The following AGPS variants were observed in gnomAD, a reference collection of about 807,000 sequenced individuals.
The protein encoded by AGPS is alkyldihydroxyacetonephosphate synthase, peroxisomal.
A neutral mutation model predicts 90.7 loss-of-function variants in AGPS; 26 were observed. That is an observed-to-expected ratio of 0.29 (90% confidence interval 0.21 to 0.40). AGPS has a LOEUF of 0.40. Among genes scored for constraint, AGPS ranks in the 10% least tolerant of loss-of-function variants. AGPS has a pLI of 1.00. For synonymous variants in AGPS, 294 were observed against 285.3 expected (o/e 1.03, Z -0.31); for missense variants, 540 against 816.1 (o/e 0.66, Z 4.12).
intron 2 of AGPS, among the ~76,000 whole-genome samples, chr2:177,422,519 A>G (rs539356407): frequency 6.6e-6 from 1 of 152,188 alleles, no homozygotes; most frequent in Non-Finnish European, 1.5e-5. Context: ...ATAAGGGTTC[A>G]TCTGACTGGA....
Position 177,482,198 on chromosome 2 carries a change from A to AATAT in AGPS, c.1233+22_1233+25dup. ...AAATTGCAAAACAGGTAAAAGAAAA[A>AATAT]ATATATATATATACATACATACATA... On this transcript the variant is annotated intron_variant, in intron 11 of 19. Transcript: ENST00000264167. 7.2e-7 allele frequency: 1 copy of AATAT among 1,385,706 alleles called. No homozygotes were observed. The highest frequency in any genetic ancestry group is 1.0e-6 in the Non-Finnish European group (1 of 1,004,754). 85.8% of individuals were successfully genotyped at this position (1,385,706 alleles called of 1,614,324 possible).
intron 19 of AGPS, among the ~76,000 whole-genome samples, chr2:177,529,451 T>C (rs765584290): frequency 2.6e-5 from 4 of 151,936 alleles, no homozygotes; most frequent in Non-Finnish European, 5.9e-5. Flanking sequence ...GCATGGGTGA[T>C]AGAGAGTAAG....
chr2:177,478,574 A>G (rs1354807865), intron 10 of AGPS, among the ~76,000 whole-genome samples: 8 of 152,080 alleles, frequency 5.3e-5, no homozygotes, highest in Non-Finnish European at 7.4e-5. Flanking sequence ...CTATACATCT[A>G]TCTTCAAGTT....
chr2:177,451,196 A>G (rs1056742992), intron 8 of AGPS, among the ~76,000 whole-genome samples: 6 of 151,766 alleles, frequency 4.0e-5, no homozygotes, highest in South Asian at 2.1e-4. Context: ...TCTCGCTTCA[A>G]CCTACCACCC....
At chr2:177,417,044 G>A (rs748478561) in intron 1 of AGPS, among the ~76,000 whole-genome samples, 10 of 152,114 alleles carry the variant, frequency 6.6e-5, no homozygotes, top group Admixed American at 2.0e-4. Context: ...TTACACTATC[G>A]GAAGTATAGG....
intron 19 of AGPS, among the ~76,000 whole-genome samples, chr2:177,530,836 G>A (rs183228402): frequency 3.3e-5 from 5 of 152,288 alleles, no homozygotes; most frequent in Admixed American, 2.6e-4. Context: ...CATAGTGCTT[G>A]TTTTTGTAAC....
chr2:177,495,522 G>A (rs1291908207), intron 12 of AGPS, among the ~76,000 whole-genome samples: 1 of 152,114 alleles, frequency 6.6e-6, no homozygotes, highest in Non-Finnish European at 1.5e-5. Context: ...AATAAATCCT[G>A]TTAAATGACA....
chr2:177,440,423 C>G (rs553268078), intron 5 of AGPS, among the ~76,000 whole-genome samples: 1 of 152,202 alleles, frequency 6.6e-6, no homozygotes, highest in African/African-American at 2.4e-5. Context: ...TGAACTTAAT[C>G]ATGAGGAAAC....
intron 11 of AGPS, among the ~76,000 whole-genome samples, chr2:177,486,131 C>A (rs1193273330): frequency 6.6e-6 from 1 of 152,266 alleles, no homozygotes; most frequent in East Asian, 1.9e-4. Flanking sequence ...TTACTTGAAA[C>A]TGATTTTAAA....
chr2:177,415,500 A>T (rs971573449), intron 1 of AGPS, among the ~76,000 whole-genome samples: 2 of 152,234 alleles, frequency 1.3e-5, no homozygotes, highest in Admixed American at 1.3e-4. Flanking sequence ...TATCACATTG[A>T]TTAATAACTT....
intron 17 of AGPS, 24 bp downstream of exon 17, chr2:177,513,932 T>C (rs368663206): frequency 2.9e-5 from 45 of 1,538,882 alleles, no homozygotes; most frequent in Non-Finnish European, 3.9e-5. Context: ...ATTGTTCTTA[T>C]ACTTCTTATT....
intron 1 of AGPS, among the ~76,000 whole-genome samples, chr2:177,415,236 A>T (rs1685753694): frequency 6.6e-6 from 1 of 152,174 alleles, no homozygotes; most frequent in Non-Finnish European, 1.5e-5. Flanking sequence ...ACTCTTACAA[A>T]CAATGCTCCA....
intron 3 of AGPS, among the ~76,000 whole-genome samples, chr2:177,434,639 A>G (rs1686342987): frequency 6.6e-6 from 1 of 152,166 alleles, no homozygotes; most frequent in Non-Finnish European, 1.5e-5. Flanking sequence ...TTTATCTGGC[A>G]AACTTTTTAT....
chr2:177,477,602 T>C (rs1233856988), intron 10 of AGPS, among the ~76,000 whole-genome samples: 2 of 152,126 alleles, frequency 1.3e-5, no homozygotes, highest in Non-Finnish European at 1.5e-5. Context: ...TTTAAAAAAA[T>C]CCCAAATTGA....
chr2:177,469,545 T>G (rs1471153077), intron 10 of AGPS, among the ~76,000 whole-genome samples: 1 of 152,198 alleles, frequency 6.6e-6, no homozygotes, highest in Non-Finnish European at 1.5e-5. Context: ...CTCAGTTTAT[T>G]CCTTTTCTGA....
rs1227140264 is a variant in AGPS at position 177,540,306 on chromosome 2, C to A, written c.*2111C>A. 2 of 151,770 alleles carry A rather than the reference C, an allele frequency of 1.3e-5. No homozygotes were observed. The highest frequency in any genetic ancestry group is 4.8e-5 in the African/African-American group (2 of 41,334). 9.4% of individuals were successfully genotyped at this position (151,770 alleles called of 1,614,324 possible). On this transcript the variant is annotated 3_prime_UTR_variant, in exon 20 of 20. Coordinates refer to ENST00000264167, the MANE Select transcript of AGPS (RefSeq NM_003659.4). Reference sequence around the variant, plus strand: ...CCTTATGGAAATTCATGATTTATGTCTTTGTTTTTCTTTTTCCAAGTATAT... The same window carrying A: ...CCTTATGGAAATTCATGATTTATGTATTTGTTTTTCTTTTTCCAAGTATAT...
At chr2:177,442,855 A>G (rs79788372) in intron 7 of AGPS, among the ~76,000 whole-genome samples, 3,863 of 151,238 alleles carry the variant, frequency 0.026, 168 homozygotes, top group African/African-American at 0.089. Context: ...AAAAGAATCT[A>G]ATATCCATTT....
At chr2:177,401,585 C>A (rs917343122) in intron 1 of AGPS, among the ~76,000 whole-genome samples, 24 of 151,178 alleles carry the variant, frequency 1.6e-4, no homozygotes, top group Non-Finnish European at 8.8e-5. Flanking sequence ...CGCTCTGTTG[C>A]CCAGGCTGGT....
chr2:177,429,111 C>T (rs1686162742), intron 2 of AGPS, among the ~76,000 whole-genome samples: 1 of 152,092 alleles, frequency 6.6e-6, no homozygotes, highest in African/African-American at 2.4e-5. Context: ...GCTATTGATA[C>T]TTGTGATTGC....
Sources: gnomAD v4.1 joint callset for allele counts (sites outside exome capture counted in the v4.1 genomes callset) on GRCh38, gnomAD v4.1.1 for gene constraint, MANE v1.5 for transcripts, NCBI Gene and HGNC (gene_info 2026-07-23, HGNC 2026-07-21) for gene names.